Variants in ALMS1 observed in about 807,000 individuals in gnomAD.
The protein encoded by ALMS1 is centrosome-associated protein ALMS1.
ALMS1 carries 271 observed loss-of-function variants against 352.2 expected under a neutral mutation model. The ratio of observed to expected loss-of-function variants is 0.77; its 90% CI spans 0.70 to 0.85. The LOEUF (loss-of-function observed/expected upper bound fraction) is 0.85. ALMS1 is among the 40% of genes least tolerant of loss of function. The probability of loss-of-function intolerance (pLI) is 0.00; values close to 1 mark genes in which losing one functional copy is unlikely to be tolerated. For synonymous variants in ALMS1, 1,865 were observed against 1,761.2 expected, an observed-to-expected ratio of 1.06 and a Z score of -1.48; for missense variants, 5,445 against 4,870.7, an observed-to-expected ratio of 1.12 and a Z score of -3.51.
rs553541249 is a variant in ALMS1 at position 73,609,717 on chromosome 2, A to C, written c.*105A>C. On this transcript the variant is annotated 3_prime_UTR_variant, in exon 23 of 23. Transcript: ENST00000613296. ...GTTGAATAAAGCTTATTCTTTGTCC[A>C]TGTGTATTTTAGAAATAGTAACTTC... is the stretch of plus-strand genomic sequence containing the variant. 2 of 1,165,634 alleles carry C rather than the reference A, an allele frequency of 1.7e-6. No homozygotes were observed. The highest frequency in any genetic ancestry group is 3.0e-5 in the African/African-American group (2 of 65,710). 72.2% of individuals were successfully genotyped at this position (1,165,634 alleles called of 1,614,324 possible). A position where few individuals can be genotyped will look rare whatever the true frequency, so the allele number is the denominator to read the frequency against.
chr2:73,388,981 A>G (rs59369402), intron 1 of ALMS1, among the ~76,000 whole-genome samples: 5,410 of 152,174 alleles, frequency 0.036, 314 homozygotes, highest in African/African-American at 0.12. Context: ...TGCTGGGTCA[A>G]ATGGTAGTTC....
At chr2:73,561,779 A>G (rs1674668949) in intron 15 of ALMS1, among the ~76,000 whole-genome samples, 1 of 152,092 alleles carries the variant, frequency 6.6e-6, no homozygotes, top group South Asian at 2.1e-4. Context: ...TAACATTGCA[A>G]CTTTGCAGGG....
At chr2:73,482,915 G>A (rs1216205080) in intron 9 of ALMS1, among the ~76,000 whole-genome samples, 5 of 152,024 alleles carry the variant, frequency 3.3e-5, no homozygotes, top group East Asian at 1.9e-4. Context: ...CTGTGGGATC[G>A]GTGGTGATAT....
chr2:73,520,341 A>G (rs1673651362), intron 11 of ALMS1, among the ~76,000 whole-genome samples: 1 of 152,228 alleles, frequency 6.6e-6, no homozygotes. Flanking sequence ...AATGGCGGAT[A>G]AATTATCTTG....
In ALMS1 at chr2:73,453,118, T is replaced by A. The variant is rs1236535658; in HGVS notation, c.6591T>A (p.Leu2197=). Residue 2197 remains leucine, a synonymous_variant, in exon 8 of 23, where the codon CTT becomes CTA. Transcript: ENST00000613296. ...ACTCACATGGTGAGAATCACAAGCT[T>A]GTTTCAGAACATGTCCAAAGGCTAA... ...GTYSHGENHK[L]VSEHVQRLID... is the part of the protein sequence containing the mutation. 3.7e-6 allele frequency: 6 copies of A among 1,613,976 alleles called. No individual in the cohort carries two copies. The highest frequency in any genetic ancestry group is 1.3e-5 in the African/African-American group (1 of 74,938).
At chr2:73,419,010 A>G in intron 2 of ALMS1, 113 bp from the exon 3 acceptor site, 1 of 872,392 alleles carries the variant, frequency 1.1e-6, no homozygotes, top group East Asian at 2.6e-5. Context: ...TTTGATGAGA[A>G]TGTCATTAAA....
chr2:73,510,599 G>A (rs1325714987), intron 10 of ALMS1, among the ~76,000 whole-genome samples: 3 of 152,294 alleles, frequency 2.0e-5, no homozygotes, highest in African/African-American at 7.2e-5. Flanking sequence ...TTGTCCCAGA[G>A]GGGCACCCGC....
At chr2:73,508,315 G>A (rs1187761547) in intron 10 of ALMS1, among the ~76,000 whole-genome samples, 2 of 149,032 alleles carry the variant, frequency 1.3e-5, no homozygotes, top group African/African-American at 5.0e-5. Context: ...CCATTCTCCT[G>A]CCTCTGCCTC....
At chr2:73,424,393 G>A (rs1156445868) in intron 4 of ALMS1, 37 bp from the exon 5 acceptor site, 30 of 1,289,626 alleles carry the variant, frequency 2.3e-5, no homozygotes, top group Middle Eastern at 2.7e-4. Context: ...TGTTTTTAAT[G>A]TTATTTATTT....
At chr2:73,523,794 T>G (rs1274916988) in intron 11 of ALMS1, among the ~76,000 whole-genome samples, 1 of 151,804 alleles carries the variant, frequency 6.6e-6, no homozygotes, top group Non-Finnish European at 1.5e-5. Context: ...AAAAAAAGAT[T>G]ATTGTTTCCA....
rs558733359 is a variant in ALMS1 at position 73,427,165 on chromosome 2, CT to C, written c.1338+615del. Among the ~76,000 whole-genome samples, 33 of 152,288 alleles carry C rather than the reference CT, an allele frequency of 2.2e-4. No individual in the cohort carries two copies. In the South Asian group the frequency reaches 6.8e-3, roughly 32 times the overall value. On this transcript the variant is annotated intron_variant, in intron 6 of 22. Coordinates refer to ENST00000613296, the MANE Select transcript of ALMS1 (RefSeq NM_001378454.1). Reference sequence around the variant, plus strand: ...TCATGGGAACATCCAAAAGCTTGTACTTTGAATGTTTCCCTCTGGTCTTCAA... The same window carrying C: ...TCATGGGAACATCCAAAAGCTTGTACTTGAATGTTTCCCTCTGGTCTTCAA...
chr2:73,439,356 C>T (rs1382858306), intron 7 of ALMS1, among the ~76,000 whole-genome samples: 2 of 151,986 alleles, frequency 1.3e-5, no homozygotes, highest in African/African-American at 4.8e-5. Context: ...CTTTCAAAGC[C>T]TGATCCTCCC....
At chr2:73,488,743 T>C (rs957689129) in intron 9 of ALMS1, among the ~76,000 whole-genome samples, 8 of 152,260 alleles carry the variant, frequency 5.3e-5, no homozygotes, top group Admixed American at 4.6e-4. Flanking sequence ...AAAATATTTT[T>C]ATCTGAAATC....
intron 9 of ALMS1, among the ~76,000 whole-genome samples, chr2:73,474,425 G>A (rs1469363503): frequency 7.0e-6 from 1 of 143,880 alleles, no homozygotes; most frequent in African/African-American, 2.6e-5. Flanking sequence ...TGGTTTACAT[G>A]ACGGTGAAGA....
At position 73,449,806 on chromosome 2, in the gene ALMS1, G is replaced by A. The variant is rs751312971; in HGVS notation, c.3279G>A (p.Pro1093=). 19 of 1,613,628 alleles carry A rather than the reference G, an allele frequency of 1.2e-5. No individual in the cohort carries two copies. Among genetic ancestry groups the A allele is most frequent in the African/African-American group, 2.7e-5 (2 of 74,778 alleles). The change falls in exon 8 of 23, where the codon CCG becomes CCA. Residue 1093 remains proline (P), a synonymous_variant. Transcript: ENST00000613296. ...AGATGACTGACACACCAGCAGTACCGTCTACTTTCTACTCACAAAGAGAGA... is the reference window on the plus strand; with the variant it reads ...AGATGACTGACACACCAGCAGTACCATCTACTTTCTACTCACAAAGAGAGA... ...ADQMTDTPAV[P]STFYSQREKP... is the part of the protein sequence containing the mutation.
chr2:73,531,248 T>C (rs1329739635), intron 11 of ALMS1, among the ~76,000 whole-genome samples: 1 of 152,256 alleles, frequency 6.6e-6, no homozygotes, highest in Non-Finnish European at 1.5e-5. Context: ...TGTACATAAC[T>C]GAATGCTTTC....
rs550164971 is a variant in ALMS1, at chr2:73,406,185, A to G, written c.325-2437A>G. ...TTGCTTTAAGTATTTAGGAGCTCCA[A>G]TGTCTGACACATATATAATTATTAT... On this transcript the variant is annotated intron_variant, in intron 1 of 22. Transcript: ENST00000613296. Among the ~76,000 whole-genome samples, 11 of 152,296 alleles carry G rather than the reference A, an allele frequency of 7.2e-5. No individual in the cohort carries two copies. In the South Asian group the frequency reaches 2.3e-3, roughly 32 times the overall value.
intron 16 of ALMS1, among the ~76,000 whole-genome samples, chr2:73,595,871 T>C (rs1675536471): frequency 1.3e-5 from 2 of 152,242 alleles, no homozygotes; most frequent in Non-Finnish European, 2.9e-5. Flanking sequence ...TAATTTGAAT[T>C]TCCCTAATGA....
chr2:73,524,779 T>C (rs1226427765), intron 11 of ALMS1, among the ~76,000 whole-genome samples: 2 of 152,124 alleles, frequency 1.3e-5, no homozygotes, highest in Non-Finnish European at 1.5e-5. Context: ...AAATGTACAG[T>C]GAATTATTGA....
Sources: gnomAD v4.1 joint callset for allele counts (sites outside exome capture counted in the v4.1 genomes callset) on GRCh38, gnomAD v4.1.1 for gene constraint, MANE v1.5 for transcripts, NCBI Gene and HGNC (gene_info 2026-07-23, HGNC 2026-07-21) for gene names.